Variants in DNAJC1 observed in about 807,000 individuals in gnomAD.
The protein encoded by DNAJC1 is dnaJ homolog subfamily C member 1.
DNAJC1 carries 58 observed loss-of-function variants against 76.6 expected under a neutral mutation model. The ratio of observed to expected loss-of-function variants is 0.76; its 90% CI spans 0.61 to 0.94. The LOEUF is 0.94. Ranked by LOEUF, DNAJC1 falls within the 40% of genes least tolerant of loss-of-function variation. The pLI is 0.00. For synonymous variants in DNAJC1, 258 were observed against 267.9 expected (o/e 0.96, Z 0.36); for missense variants, 689 against 677.3 (o/e 1.02, Z -0.19).
chr10:21,911,604 T>C (rs1159532696), intron 6 of DNAJC1, among the ~76,000 whole-genome samples: 1 of 152,110 alleles, frequency 6.6e-6, no homozygotes, highest in African/African-American at 2.4e-5. Flanking sequence ...TAAAAACTAT[T>C]TTTTCCATTT....
At chr10:21,802,730 C>T (rs573372213) in intron 9 of DNAJC1, among the ~76,000 whole-genome samples, 1 of 152,236 alleles carries the variant, frequency 6.6e-6, no homozygotes, top group Admixed American at 6.6e-5. Flanking sequence ...GAAGCAGAAT[C>T]AGTTTACATC....
At chr10:21,847,926 T>TG (rs1835687110) in intron 8 of DNAJC1, among the ~76,000 whole-genome samples, 1 of 152,150 alleles carries the variant, frequency 6.6e-6, no homozygotes, top group Non-Finnish European at 1.5e-5. Flanking sequence ...AAAATGGGCA[T>TG]GCAGGTATCA....
intron 8 of DNAJC1, among the ~76,000 whole-genome samples, chr10:21,830,875 A>C (rs1159218553): frequency 6.6e-6 from 1 of 152,202 alleles, no homozygotes; most frequent in African/African-American, 2.4e-5. Context: ...AAACTCAGTG[A>C]ACATTTCATT....
chr10:21,986,676 T>G (rs1405171884), intron 1 of DNAJC1, among the ~76,000 whole-genome samples: 1 of 152,218 alleles, frequency 6.6e-6, no homozygotes, highest in Non-Finnish European at 1.5e-5. Flanking sequence ...CTTGCATTCC[T>G]GGGATAAATT....
At chr10:21,840,691 A>G (rs755780931) in intron 8 of DNAJC1, among the ~76,000 whole-genome samples, 29 of 152,212 alleles carry the variant, frequency 1.9e-4, no homozygotes, top group Non-Finnish European at 4.0e-4. Flanking sequence ...GGTAATTTAT[A>G]GATTCAGTGC....
intron 1 of DNAJC1, among the ~76,000 whole-genome samples, chr10:21,988,453 A>T (rs1440809997): frequency 6.6e-6 from 1 of 152,130 alleles, no homozygotes; most frequent in Non-Finnish European, 1.5e-5. Context: ...CCAAAATGAA[A>T]GGGCCCTTTA....
At chr10:21,983,145 A>C (rs1838185275) in intron 1 of DNAJC1, among the ~76,000 whole-genome samples, 1 of 152,258 alleles carries the variant, frequency 6.6e-6, no homozygotes, top group African/African-American at 2.4e-5. Context: ...GCAGGGGCTC[A>C]AACAGATACT....
At chr10:21,878,703 GA>G (rs1226153990) in intron 8 of DNAJC1, among the ~76,000 whole-genome samples, 1 of 151,586 alleles carries the variant, frequency 6.6e-6, no homozygotes, top group Non-Finnish European at 1.5e-5. Flanking sequence ...ATATTTTTTG[GA>G]AAAAATCCAC....
At chr10:21,856,802 T>C (rs567780813) in intron 8 of DNAJC1, among the ~76,000 whole-genome samples, 21 of 152,226 alleles carry the variant, frequency 1.4e-4, no homozygotes, top group Middle Eastern at 3.4e-3. Context: ...AATGGCGCTA[T>C]CTCGGCTCAC....
chr10:21,799,388 T>C (rs1834787382), intron 9 of DNAJC1, among the ~76,000 whole-genome samples: 1 of 152,100 alleles, frequency 6.6e-6, no homozygotes. Context: ...AACCTCGATC[T>C]CCTGGGCTCA....
chr10:21,838,587 C>T (rs1835512387), intron 8 of DNAJC1, among the ~76,000 whole-genome samples: 1 of 151,952 alleles, frequency 6.6e-6, no homozygotes, highest in Non-Finnish European at 1.5e-5. Flanking sequence ...CTGCCAAATC[C>T]CCCTCCATGA....
At chr10:21,888,778 G>A (rs1332452037) in intron 7 of DNAJC1, among the ~76,000 whole-genome samples, 1 of 152,154 alleles carries the variant, frequency 6.6e-6, no homozygotes, top group African/African-American at 2.4e-5. Flanking sequence ...TCTACTTGAG[G>A]TTGGAGGGTG....
intron 8 of DNAJC1, among the ~76,000 whole-genome samples, chr10:21,841,710 C>A (rs958052533): frequency 1.6e-4 from 25 of 152,150 alleles, no homozygotes; most frequent in African/African-American, 5.8e-4. Flanking sequence ...CCTCAGGGAT[C>A]TAGAACTAGA....
intron 8 of DNAJC1, among the ~76,000 whole-genome samples, chr10:21,810,649 A>T (rs1264497884): frequency 6.6e-6 from 1 of 152,194 alleles, no homozygotes; most frequent in Non-Finnish European, 1.5e-5. Flanking sequence ...CCAGATGTAA[A>T]TTAAAACAGG....
intron 9 of DNAJC1, among the ~76,000 whole-genome samples, chr10:21,802,703 A>G (rs1213579243): frequency 6.6e-6 from 1 of 152,142 alleles, no homozygotes; most frequent in Admixed American, 6.6e-5. Flanking sequence ...AATGCAAGAG[A>G]TTAGTGACCA....
intron 1 of DNAJC1, among the ~76,000 whole-genome samples, chr10:21,982,178 A>C (rs1838169373): frequency 6.6e-6 from 1 of 152,268 alleles, no homozygotes; most frequent in African/African-American, 2.4e-5. Context: ...CCTGATTAAA[A>C]TTTGCTTTTA....
In DNAJC1 at chr10:21,887,029, A is replaced by T. The variant is rs185324245; in HGVS notation, c.821-4590T>A. Among the ~76,000 whole-genome samples, 496 of 152,320 alleles carry T rather than the reference A, an allele frequency of 3.3e-3. 1 individual carries two copies. The highest frequency in any genetic ancestry group is 5.2e-3 in the Non-Finnish European group (357 of 68,022). ...CCCAAAGCTCCTTTAGCTGGTAAAC[A>T]TCTTCAGCAAAGTTTCAGGATACAA... On this transcript the variant is annotated intron_variant, in intron 7 of 11. Coordinates refer to ENST00000376980, the MANE Select transcript of DNAJC1 (RefSeq NM_022365.4).
chr10:21,904,291 C>A (rs762705366), intron 7 of DNAJC1, among the ~76,000 whole-genome samples: 47 of 151,864 alleles, frequency 3.1e-4, no homozygotes, highest in Non-Finnish European at 5.1e-4. Context: ...AGTTACATGA[C>A]TCAAGCTGAT....
In DNAJC1 at chr10:21,811,902, G is replaced by T. The variant is rs187273773; in HGVS notation, c.979-5803C>A. On this transcript the variant is annotated intron_variant, in intron 8 of 11. Transcript: ENST00000376980. ...ACTACAGGAGTATTTTTCCAAAGAG[G>T]TGCTATTTTACAGTCTACCCAGCAA... 5.2e-3 allele frequency among the ~76,000 whole-genome samples: 789 copies of T among 152,168 alleles called. 6 individuals are homozygous for T. The highest frequency in any genetic ancestry group is 9.1e-3 in the Non-Finnish European group (619 of 68,002).
Sources: allele counts gnomAD v4.1 joint callset (sites outside exome capture counted in the v4.1 genomes callset), GRCh38; gene constraint gnomAD v4.1.1; transcripts MANE v1.5; gene names NCBI Gene and HGNC (gene_info 2026-07-23, HGNC 2026-07-21).